SLC2A11: variants seen among roughly 807,000 people sequenced by gnomAD.
The protein encoded by SLC2A11 is solute carrier family 2, facilitated glucose transporter member 11.
SLC2A11 carries 43 observed loss-of-function variants against 52.1 expected under a neutral mutation model. The ratio of observed to expected loss-of-function variants is 0.82; its 90% CI spans 0.65 to 1.06. The LOEUF (loss-of-function observed/expected upper bound fraction) is 1.06, where lower values mean the gene tolerates loss of function less well. SLC2A11 is among the 50% of genes least tolerant of loss of function. The probability of loss-of-function intolerance (pLI) is 0.00; values close to 1 mark genes in which losing one functional copy is unlikely to be tolerated. For synonymous variants in SLC2A11, 261 were observed against 277.6 expected, an observed-to-expected ratio of 0.94 and a Z score of 0.59; for missense variants, 582 against 654.2, an observed-to-expected ratio of 0.89 and a Z score of 1.20.
At chr22:23,867,547 C>T (rs750753644) in intron 2 of SLC2A11, 13 of 351,264 alleles carry the variant, frequency 3.7e-5, no homozygotes, top group Admixed American at 7.4e-5. Context: ...GCAATGAGCC[C>T]CATTTCATCA....
rs60165299 is a variant in SLC2A11 at position 23,880,258 on chromosome 22, CAAAA to C, written c.695-2184_695-2181del. ...CTGGTGACAGAGTGAGACTCCATCTCAAAAAAAAAAAAAAAAAAAAGAAAAGAAA... is the reference window on the plus strand; with the variant it reads ...CTGGTGACAGAGTGAGACTCCATCTCAAAAAAAAAAAAAAAAGAAAAGAAA... On this transcript the variant is annotated intron_variant, in intron 6 of 11. Transcript: ENST00000316185. 6.7e-3 allele frequency among the ~76,000 whole-genome samples: 280 copies of C among 41,916 alleles called. 3 individuals carry two copies. Among genetic ancestry groups the C allele is most frequent in the African/African-American group, 0.016 (253 of 15,438 alleles). The allele number at this position is 41,916 out of a possible 152,430, so 27.5% of individuals were successfully genotyped here.
chr22:23,857,111 G>A, upstream of SLC2A11: 1 of 1,289,720 alleles, frequency 7.8e-7, no homozygotes, highest in Non-Finnish European at 1.1e-6. Context: ...GCATAGATGT[G>A]CACAACCAAG....
At chr22:23,883,085 C>A in intron 8 of SLC2A11, 1 of 623,710 alleles carries the variant, frequency 1.6e-6, no homozygotes, top group South Asian at 1.7e-5. Flanking sequence ...ACAGTGAAAC[C>A]CCCGTCTCTA....
intron 3 of SLC2A11, chr22:23,869,961 C>A: frequency 1.4e-6 from 1 of 717,322 alleles, no homozygotes; most frequent in Non-Finnish European, 2.6e-6. Context: ...AAGCACTAGT[C>A]CCATCAATGA....
In SLC2A11 at chr22:23,869,961, C is replaced by G. The variant is rs115508588; in HGVS notation, c.290+1320C>G. 1.6e-3 allele frequency: 1,133 copies of G among 717,322 alleles called. 13 individuals are homozygous for G. In the African/African-American group the frequency reaches 0.018, roughly 11 times the overall value. The allele number at this position is 717,322 out of a possible 1,614,324, so 44.4% of individuals were successfully genotyped here. A position where few individuals can be genotyped will look rare whatever the true frequency, so the allele number is the denominator to read the frequency against. ...TCCAGCCCTTTTATAAAGCACTAGT[C>G]CCATCAATGAAGGTGGAGTTCTCAT... On this transcript the variant is annotated intron_variant, in intron 3 of 11. Coordinates refer to ENST00000316185, the MANE Select transcript of SLC2A11 (RefSeq NM_001024939.4).
chr22:23,860,303 A>T (rs1216218000), intron 1 of SLC2A11, among the ~76,000 whole-genome samples: 2 of 152,168 alleles, frequency 1.3e-5, no homozygotes, highest in African/African-American at 4.8e-5. Flanking sequence ...AGTCCCAGCT[A>T]CTTGGGGGGC....
upstream of SLC2A11, chr22:23,857,449 GAGTGAGCGGCTTTTC>G: frequency 1.2e-6 from 2 of 1,613,346 alleles, no homozygotes; most frequent in Non-Finnish European, 1.7e-6. Context: ...GCCGAGTAAG[GAGTGAGCGGCTTTTC>G]AGCCTCAGTG....
Position 23,877,828 on chromosome 22 carries a change from A to G in SLC2A11, c.653A>G (p.Tyr218Cys), listed in dbSNP as rs1263905260. The stretch of plus-strand genomic sequence containing the variant: ...CCTCTGCTCCCTGAAAGCCCGCGCT[A>G]CCTCCTCATTGACTGTGGAGACACC... ...SLPLLPESPR[Y>C]LLIDCGDTEA... The change falls in exon 6 of 12, where the codon TAC becomes TGC. Residue 218 changes from tyrosine to cysteine, a missense_variant. Physicochemically the swap from Tyr to Cys is radical, Grantham distance 194. Transcript: ENST00000316185. The G allele has an allele frequency of 3.7e-6, 6 of 1,613,188 alleles. No homozygotes were observed. Among genetic ancestry groups the G allele is most frequent in the Non-Finnish European group, 5.1e-6 (6 of 1,179,730 alleles).
chr22:23,875,013 TG>T, intron 3 of SLC2A11, 103 bp from the exon 4 acceptor site: 1 of 1,288,512 alleles, frequency 7.8e-7, no homozygotes, highest in Admixed American at 3.0e-5. Context: ...CATTTGTGTG[TG>T]TGTCTAATTA....
At chr22:23,866,876 T>A (rs1568987184) in intron 2 of SLC2A11, 1 of 152,044 alleles carries the variant, frequency 6.6e-6, no homozygotes, top group Non-Finnish European at 1.5e-5. Flanking sequence ...CTATGACCAG[T>A]GGATGGAGAG....
In SLC2A11 at chr22:23,885,844, C is replaced by T. The variant is rs1187098617; in HGVS notation, c.*995C>T. ...CAACTTTATTGAGGTATAATTTATACATAACCAACTGCATCCATTTTAAGT... is the reference window on the plus strand; with the variant it reads ...CAACTTTATTGAGGTATAATTTATATATAACCAACTGCATCCATTTTAAGT... On this transcript the variant is annotated 3_prime_UTR_variant, in exon 12 of 12. Coordinates refer to ENST00000316185, the MANE Select transcript of SLC2A11 (RefSeq NM_001024939.4). The T allele has an allele frequency of 6.6e-6, 1 of 152,152 alleles. No individual in the cohort carries two copies. Among genetic ancestry groups the T allele is most frequent in the Admixed American group, 6.5e-5 (1 of 15,276 alleles). The allele number at this position is 152,152 out of a possible 1,614,324, so 9.4% of individuals were successfully genotyped here.
Sources: gnomAD v4.1 joint callset for allele counts (sites outside exome capture counted in the v4.1 genomes callset) on GRCh38, gnomAD v4.1.1 for gene constraint, MANE v1.5 for transcripts, NCBI Gene and HGNC (gene_info 2026-07-23, HGNC 2026-07-21) for gene names.